The following IL9 variants were observed in gnomAD, a reference collection of about 807,000 sequenced individuals.
IL9 encodes interleukin-9.
Under a neutral mutation model 12.9 loss-of-function variants are expected in IL9, and 16 were observed. The observed-to-expected ratio is 1.24, with a 90% CI of 0.84 to 1.88. The LOEUF is 1.88. Ranked by LOEUF, IL9 falls within the 40% of genes most tolerant of loss-of-function variation. The pLI, the probability that IL9 is intolerant of heterozygous loss-of-function variation, is 0.00. For synonymous variants in IL9, 69 were observed against 63.8 expected, an observed-to-expected ratio of 1.08 and a Z score of -0.39; for missense variants, 170 against 173.1, an observed-to-expected ratio of 0.98 and a Z score of 0.10.
In IL9 at chr5:135,892,440, A is replaced by C. The variant is rs1377701767; in HGVS notation, c.386T>G (p.Leu129Arg). ...CATCTTTTCTTTCTGGAAAATTTCC[A>C]GAAGACTCTTCAGAAATGTCAGCGC... ...GNALTFLKSL[L>R]EIFQKEKMRG... Residue 129 changes from leucine to arginine, a missense_variant, in exon 5 of 5, where the codon CTG becomes CGG. By Grantham distance (102) the Leu-to-Arg change is moderately radical (BLOSUM62 -2). Transcript: ENST00000274520. The C allele has an allele frequency of 6.2e-7, 1 of 1,613,098 alleles. No individual in the cohort carries two copies. The highest frequency in any genetic ancestry group is 8.5e-7 in the Non-Finnish European group (1 of 1,179,388).
At position 135,895,751 on chromosome 5, in the gene IL9, T is replaced by G; in HGVS notation, c.66A>C (p.Pro22=). 6.2e-7 allele frequency: 1 copy of G among 1,614,130 alleles called. No homozygotes were observed. Among genetic ancestry groups the G allele is most frequent in the South Asian group, 1.1e-5 (1 of 91,064 alleles). The change falls in exon 1 of 5, where the codon CCA becomes CCC. Residue 22 remains proline (P), a synonymous_variant. Transcript: ENST00000274520. ...LLCSVAGQGC[P]TLAGILDINF... is the part of the protein sequence containing the mutation. ...TGATGTCCAGGATCCCCGCCAAGGTTGGACACCCCTGGCCTGCCACGGAGC... is the reference window on the plus strand; with the variant it reads ...TGATGTCCAGGATCCCCGCCAAGGTGGGACACCCCTGGCCTGCCACGGAGC...
chr5:135,895,690 C>G lies in IL9; in HGVS notation c.114+13G>C. On this transcript the variant is annotated intron_variant, in intron 1 of 4. Coordinates refer to ENST00000274520, the MANE Select transcript of IL9 (RefSeq NM_000590.2). ...AGTAGCTGTCTTTCCCATGGGCTCC[C>G]CCTGCAGCCTACCTGCATCTTGTTG... The G allele has an allele frequency of 1.9e-6, 3 of 1,609,376 alleles. No individual in the cohort carries two copies. Among genetic ancestry groups the G allele is most frequent in the Non-Finnish European group, 2.6e-6 (3 of 1,175,702 alleles).
Position 135,894,139 on chromosome 5 carries a change from T to C in IL9, c.196A>G (p.Arg66Gly), listed in dbSNP as rs1280834123. ...CLGIPSDNCT[R>G]PCFSERLSQM... ...GACAGTCTCTCACTGAAGCATGGTC[T>C]GGTGCAGTTGTCCTGGTAAATAGTA... Residue 66 changes from arginine to glycine, a missense_variant, in exon 4 of 5, where the codon AGA becomes GGA. By Grantham distance (125) the Arg-to-Gly change is moderately radical. Transcript: ENST00000274520. 3 of 1,612,604 alleles carry C rather than the reference T, an allele frequency of 1.9e-6. No individual in the cohort carries two copies. Among genetic ancestry groups the C allele is most frequent in the Non-Finnish European group, 1.7e-6 (2 of 1,179,712 alleles).
In IL9 at chr5:135,895,021, G is replaced by T. The variant is rs886500073; in HGVS notation, c.183+419C>A. The stretch of plus-strand genomic sequence containing the variant: ...CATGACAGATGAAAGATAAGGAGTT[G>T]TCATTTTATTTACATTGTTTCACAA... On this transcript the variant is annotated intron_variant, in intron 3 of 4. Coordinates refer to ENST00000274520, the MANE Select transcript of IL9 (RefSeq NM_000590.2). 5.3e-5 allele frequency among the ~76,000 whole-genome samples: 8 copies of T among 152,286 alleles called. No homozygotes were observed. The South Asian group carries it at 1.7e-3, about 32-fold the overall frequency.
chr5:135,895,077 G>A (rs1762922517), intron 3 of IL9, among the ~76,000 whole-genome samples: 2 of 152,166 alleles, frequency 1.3e-5, no homozygotes, highest in Admixed American at 6.5e-5. Context: ...GAGTTAGAAA[G>A]CAATATGATA....
Position 135,892,329 on chromosome 5 carries a change from T to C in IL9, c.*62A>G. On this transcript the variant is annotated 3_prime_UTR_variant, in exon 5 of 5. Transcript: ENST00000274520. ...TAGAGTAGCTTACTTGATTTTTAAA[T>C]TGTAGCAACTTAAAGAGAAAGCTTT... The C allele has an allele frequency of 1.5e-6, 2 of 1,291,902 alleles. No individual in the cohort carries two copies. Among genetic ancestry groups the C allele is most frequent in the South Asian group, 1.5e-5 (1 of 66,698 alleles). The allele number at this position is 1,291,902 out of a possible 1,614,324, so 80.0% of individuals were successfully genotyped here.
intron 1 of IL9, 52 bp from the exon 2 acceptor site, chr5:135,895,642 C>T (rs1289163637): frequency 6.2e-7 from 1 of 1,609,100 alleles, no homozygotes; most frequent in African/African-American, 1.3e-5. Flanking sequence ...GTTTTTTCAT[C>T]CTCATACATA....
intron 3 of IL9, among the ~76,000 whole-genome samples, chr5:135,894,632 C>A (rs535884918): frequency 6.6e-6 from 1 of 152,348 alleles, no homozygotes; most frequent in South Asian, 2.1e-4. Flanking sequence ...ATCCTCTTCT[C>A]ATCTAATGGA....
In IL9 at chr5:135,895,599, G is replaced by A. The variant is rs755424202; in HGVS notation, c.115-9C>T. On this transcript the variant is annotated splice_polypyrimidine_tract_variant and intron_variant, in intron 1 of 4. Transcript: ENST00000274520. ...TTGGAAGCTGGATCTTCCTAAAGTAGATAGAGAGATAAGAACCTTTAGTCA... is the reference window on the plus strand; with the variant it reads ...TTGGAAGCTGGATCTTCCTAAAGTAAATAGAGAGATAAGAACCTTTAGTCA... The A allele has an allele frequency of 6.2e-7, 1 of 1,613,936 alleles. No individual in the cohort carries two copies. Among genetic ancestry groups the A allele is most frequent in the South Asian group, 1.1e-5 (1 of 91,072 alleles).
Position 135,895,763 on chromosome 5 carries a change from G to A in IL9, c.54C>T (p.Gly18=). The A allele has an allele frequency of 1.9e-6, 3 of 1,614,112 alleles. No individual in the cohort carries two copies. The highest frequency in any genetic ancestry group is 1.7e-4 in the Middle Eastern group (1 of 6,048). Residue 18 remains glycine (G), a synonymous_variant, in exon 1 of 5, where the codon GGC becomes GGT. Transcript: ENST00000274520. ...TCCCCGCCAAGGTTGGACACCCCTG[G>A]CCTGCCACGGAGCACAGGAGCAGGG... ...TSALLLCSVA[G]QGCPTLAGIL... is the part of the protein sequence containing the mutation.
At chr5:135,893,450 A>G (rs1308376114) in intron 4 of IL9, among the ~76,000 whole-genome samples, 3 of 151,824 alleles carry the variant, frequency 2.0e-5, no homozygotes, top group Admixed American at 6.6e-5. Context: ...CATCTCTATT[A>G]AAAATACAAA....
At chr5:135,895,387 A>C (rs1488999517) in intron 3 of IL9, 53 bp downstream of exon 3, 8 of 1,499,214 alleles carry the variant, frequency 5.3e-6, no homozygotes, top group Non-Finnish European at 6.4e-6. Context: ...TTTTTACTTA[A>C]AAACAAACCA....
Sources: gnomAD v4.1 joint callset for allele counts (sites outside exome capture counted in the v4.1 genomes callset) on GRCh38, gnomAD v4.1.1 for gene constraint, MANE v1.5 for transcripts, NCBI Gene and HGNC (gene_info 2026-07-23, HGNC 2026-07-21) for gene names.